Variants in NCKAP5 observed in about 807,000 individuals in gnomAD.
The protein encoded by NCKAP5 is nck-associated protein 5.
NCKAP5 carries 92 observed loss-of-function variants against 167.0 expected under a neutral mutation model. That is an observed-to-expected ratio of 0.55 (90% CI 0.47 to 0.66). The LOEUF (loss-of-function observed/expected upper bound fraction) is 0.66. Ranked by LOEUF, NCKAP5 falls within the 30% of genes least tolerant of loss-of-function variation. The pLI, the probability that NCKAP5 is intolerant of heterozygous loss-of-function variation, is 0.00. For missense variants in NCKAP5, 2,378 were observed against 2,315.0 expected, an observed-to-expected ratio of 1.03 and a Z score of -0.56; for synonymous variants, 891 against 877.4, an observed-to-expected ratio of 1.02 and a Z score of -0.27.
At chr2:132,820,840 G>C (rs979304500) in intron 11 of NCKAP5, among the ~76,000 whole-genome samples, 4 of 152,196 alleles carry the variant, frequency 2.6e-5, no homozygotes, top group Non-Finnish European at 5.9e-5. Flanking sequence ...GAAATCCAGA[G>C]ATAGGTTGTC....
intron 6 of NCKAP5, among the ~76,000 whole-genome samples, chr2:133,053,703 C>A (rs1450239526): frequency 6.6e-6 from 1 of 152,104 alleles, no homozygotes; most frequent in African/African-American, 2.4e-5. Context: ...AAGTTGCTTA[C>A]AGGGTAAGAT....
At position 133,308,689 on chromosome 2, in the gene NCKAP5, C is replaced by CTTTTT. The variant is rs35760716; in HGVS notation, c.70-5584_70-5580dup. Among the ~76,000 whole-genome samples the CTTTTT allele has an allele frequency of 3.6e-3, 213 of 59,306 alleles. 16 individuals are homozygous for CTTTTT. The highest frequency in any genetic ancestry group is 5.2e-3 in the Non-Finnish European group (153 of 29,648). The allele number at this position is 59,306 out of a possible 152,430, so 38.9% of individuals were successfully genotyped here. The stretch of plus-strand genomic sequence containing the variant: ...TTTTTTCGTTTGAAGAAATACAATT[C>CTTTTT]TTTTTTTTTTTTTTTTTTTTTTTTT... On this transcript the variant is annotated intron_variant, in intron 3 of 19. Coordinates refer to ENST00000409261, the MANE Select transcript of NCKAP5 (RefSeq NM_207363.3).
intron 8 of NCKAP5, among the ~76,000 whole-genome samples, chr2:132,941,396 G>T (rs1227483310): frequency 6.6e-6 from 1 of 152,154 alleles, no homozygotes; most frequent in Non-Finnish European, 1.5e-5. Context: ...CCATGGTTAT[G>T]CAATGGCCCA....
chr2:133,310,973 C>T (rs1681191592), intron 3 of NCKAP5, among the ~76,000 whole-genome samples: 1 of 152,184 alleles, frequency 6.6e-6, no homozygotes, highest in Non-Finnish European at 1.5e-5. Context: ...ATGCTTCTGA[C>T]AGCAGATGAA....
intron 3 of NCKAP5, among the ~76,000 whole-genome samples, chr2:133,338,438 C>A (rs1423676443): frequency 6.6e-6 from 1 of 152,186 alleles, no homozygotes; most frequent in African/African-American, 2.4e-5. Flanking sequence ...GAATCATGCA[C>A]CCCCATCTTA....
intron 3 of NCKAP5, among the ~76,000 whole-genome samples, chr2:133,388,415 G>A (rs1687152683): frequency 6.6e-6 from 1 of 152,196 alleles, no homozygotes; most frequent in African/African-American, 2.4e-5. Flanking sequence ...CGTCTCAGAG[G>A]GGTACCCGGC....
intron 16 of NCKAP5, among the ~76,000 whole-genome samples, chr2:132,756,554 A>C (rs781197894): frequency 3.9e-5 from 6 of 152,170 alleles, no homozygotes; most frequent in Non-Finnish European, 5.9e-5. Flanking sequence ...AACAGTTTTA[A>C]ATCTCCTTAG....
At chr2:133,331,375 C>A (rs1271587473) in intron 3 of NCKAP5, among the ~76,000 whole-genome samples, 4 of 152,128 alleles carry the variant, frequency 2.6e-5, no homozygotes, top group African/African-American at 4.8e-5. Context: ...GACAATAAAA[C>A]ATAATAAATC....
At chr2:133,231,209 A>T (rs2087131983) in intron 4 of NCKAP5, among the ~76,000 whole-genome samples, 1 of 152,218 alleles carries the variant, frequency 6.6e-6, no homozygotes, top group Admixed American at 6.5e-5. Flanking sequence ...GAAAAATCAA[A>T]GTGAGTTAAA....
chr2:133,571,593 C>G (rs1411975338), upstream of NCKAP5, among the ~76,000 whole-genome samples: 1 of 152,126 alleles, frequency 6.6e-6, no homozygotes, highest in Non-Finnish European at 1.5e-5. Context: ...TTAAAAATGT[C>G]TTATGCTGGT....
rs142720412 is a variant in NCKAP5 at position 132,874,624 on chromosome 2, T to C, written c.648+4224A>G. On this transcript the variant is annotated intron_variant, in intron 9 of 19. Transcript: ENST00000409261. ...GGCCTAGTTTTCAATGTCCTTGCGC[T>C]CTGAAGTGTAGAGGTTGGAAAATAA... 3.5e-3 allele frequency among the ~76,000 whole-genome samples: 538 copies of C among 152,304 alleles called. 3 individuals are homozygous for C. Among genetic ancestry groups the C allele is most frequent in the African/African-American group, 0.012 (513 of 41,570 alleles).
rs1475325499 is a variant in NCKAP5, at chr2:133,556,826, C to T, written c.-62+2224G>A. The T allele has an allele frequency of 3.9e-5, 6 of 152,326 alleles. No individual in the cohort carries two copies. In the South Asian group the frequency reaches 1.2e-3, roughly 32 times the overall value. 9.4% of individuals were successfully genotyped at this position (152,326 alleles called of 1,614,324 possible). A position where few individuals can be genotyped will look rare whatever the true frequency, so the allele number is the denominator to read the frequency against. On this transcript the variant is annotated intron_variant, in intron 2 of 19. Transcript: ENST00000409261. ...TGGAGAGATGGAGACTACTATTAAG[C>T]AGATCCCTCTAAAAGATCTGAGTAA... is the stretch of plus-strand genomic sequence containing the variant.
chr2:132,736,576 C>T (rs1201655296), intron 16 of NCKAP5, among the ~76,000 whole-genome samples: 3 of 151,388 alleles, frequency 2.0e-5, no homozygotes, highest in South Asian at 2.1e-4. Flanking sequence ...GTCAAGAGAT[C>T]GAGACCATCC....
At chr2:133,515,357 C>A (rs1308146604) in intron 3 of NCKAP5, among the ~76,000 whole-genome samples, 6 of 152,114 alleles carry the variant, frequency 3.9e-5, no homozygotes, top group African/African-American at 1.4e-4. Flanking sequence ...TTTAAGCACC[C>A]CCCTACACAC....
At position 132,782,227 on chromosome 2, in the gene NCKAP5, GGAGATGTCCATTTTCCTGCTACTCA is replaced by G; in HGVS notation, c.4559_4583del (p.Leu1520ProfsTer5). 6.2e-7 allele frequency: 1 copy of G among 1,613,782 alleles called. No homozygotes were observed. The highest frequency in any genetic ancestry group is 8.5e-7 in the Non-Finnish European group (1 of 1,179,866). ...CATCTTTCTTTTCTACTTTGGTTTT[GGAGATGTCCATTTTCCTGCTACTCA>G]GAGCTGGAAGTCTACTCTTCCGAAA... On this transcript the variant is annotated frameshift_variant, in exon 14 of 20. Transcript: ENST00000409261. LOFTEE classifies it high-confidence loss of function.
chr2:133,650,325 A>G, the NCKAP5 span, among the ~76,000 whole-genome samples: 2 of 152,254 alleles, frequency 1.3e-5, no homozygotes, highest in Non-Finnish European at 2.9e-5. Flanking sequence ...TAACTAAAAA[A>G]AAGTCAAATG....
chr2:133,503,985 C>T (rs567042025), intron 3 of NCKAP5, among the ~76,000 whole-genome samples: 5 of 152,188 alleles, frequency 3.3e-5, no homozygotes, highest in South Asian at 2.1e-4. Flanking sequence ...GGCACAAGAA[C>T]GGGCTCTCCA....
chr2:133,406,369 G>C (rs1371978251), intron 3 of NCKAP5, among the ~76,000 whole-genome samples: 1 of 152,196 alleles, frequency 6.6e-6, no homozygotes, highest in Non-Finnish European at 1.5e-5. Context: ...GCAGGGGGCT[G>C]CTCTGGAGAA....
In NCKAP5 at chr2:132,869,061, T is replaced by C. The variant is rs950817773; in HGVS notation, c.649-87A>G. ...AATTTACCAATAAGTTTCTCGCAGC[T>C]TATTGTAGCTAATTAGCTCCTCATT... is the stretch of plus-strand genomic sequence containing the variant. On this transcript the variant is annotated intron_variant, in intron 9 of 19. Transcript: ENST00000409261. 1.7e-5 allele frequency: 16 copies of C among 928,794 alleles called. 1 individual carries two copies. Among genetic ancestry groups the C allele is most frequent in the Middle Eastern group, 2.8e-4 (1 of 3,558 alleles). 57.5% of individuals were successfully genotyped at this position (928,794 alleles called of 1,614,324 possible). A position where few individuals can be genotyped will look rare whatever the true frequency, so the allele number is the denominator to read the frequency against.
Sources: gnomAD v4.1 joint callset for allele counts (sites outside exome capture counted in the v4.1 genomes callset) on GRCh38, gnomAD v4.1.1 for gene constraint, MANE v1.5 for transcripts, NCBI Gene and HGNC (gene_info 2026-07-23, HGNC 2026-07-21) for gene names.